The following STXBP5L variants were observed in gnomAD, a reference collection of about 807,000 sequenced individuals.
STXBP5L encodes the protein syntaxin binding protein 5L.
STXBP5L carries 65 observed loss-of-function variants against 144.5 expected under a neutral mutation model. The observed-to-expected ratio is 0.45, with a 90% CI of 0.37 to 0.55. The LOEUF is 0.55. Among genes scored for constraint, STXBP5L ranks in the 20% least tolerant of loss-of-function variants. STXBP5L has a pLI of 0.00. For synonymous variants in STXBP5L, 505 were observed against 469.6 expected (o/e 1.08, Z -0.97); for missense variants, 1,298 against 1,405.5 (o/e 0.92, Z 1.22).
intron 18 of STXBP5L, among the ~76,000 whole-genome samples, chr3:121,263,282 A>C (rs562752510): frequency 6.6e-6 from 1 of 152,362 alleles, no homozygotes; most frequent in South Asian, 2.1e-4. Flanking sequence ...CAACATCAAC[A>C]AAAAGGACAT....
chr3:121,184,235 G>A (rs1405297195), intron 9 of STXBP5L, among the ~76,000 whole-genome samples: 1 of 151,872 alleles, frequency 6.6e-6, no homozygotes, highest in Admixed American at 6.6e-5. Flanking sequence ...GACAGAAGTA[G>A]GCTTCAGAAG....
intron 7 of STXBP5L, among the ~76,000 whole-genome samples, chr3:121,140,963 T>A (rs544768568): frequency 1.3e-5 from 2 of 152,246 alleles, no homozygotes; most frequent in South Asian, 4.1e-4. Flanking sequence ...CATTCCACAA[T>A]GTATATATAT....
chr3:120,950,812 T>A (rs1235331709), intron 2 of STXBP5L, among the ~76,000 whole-genome samples: 2 of 152,076 alleles, frequency 1.3e-5, no homozygotes, highest in Non-Finnish European at 2.9e-5. Flanking sequence ...TACTTTAAAG[T>A]TCATATGGAA....
At chr3:121,093,417 T>C (rs2042934247) in intron 5 of STXBP5L, among the ~76,000 whole-genome samples, 1 of 152,220 alleles carries the variant, frequency 6.6e-6, no homozygotes, top group Non-Finnish European at 1.5e-5. Flanking sequence ...TCTTTTTGGT[T>C]GGTAAGCTAT....
At chr3:121,309,355 C>T (rs920712240) in intron 19 of STXBP5L, among the ~76,000 whole-genome samples, 4 of 151,578 alleles carry the variant, frequency 2.6e-5, no homozygotes, top group Non-Finnish European at 4.4e-5. Flanking sequence ...TGTACTAATA[C>T]CATTTAAAAA....
chr3:121,388,666 A>G (rs1018203212), intron 22 of STXBP5L, among the ~76,000 whole-genome samples: 53 of 152,018 alleles, frequency 3.5e-4, no homozygotes, highest in Admixed American at 2.4e-3. Context: ...GTTTTTTGTC[A>G]TTGGTTCTGT....
chr3:120,979,004 C>G (rs1004475656), intron 3 of STXBP5L, among the ~76,000 whole-genome samples: 7 of 152,144 alleles, frequency 4.6e-5, no homozygotes, highest in Admixed American at 2.0e-4. Flanking sequence ...GGTCAGGGAC[C>G]CACTTGAGGA....
In STXBP5L at chr3:120,929,609, C is replaced by A. The variant is rs1709819234; in HGVS notation, c.189+19842C>A. ...TTTACGAACATCTGTGGGCATTAAACCTTCAGCATATTTAATATTACTTCC... is the reference window on the plus strand; with the variant it reads ...TTTACGAACATCTGTGGGCATTAAAACTTCAGCATATTTAATATTACTTCC... On this transcript the variant is annotated intron_variant, in intron 2 of 26. Transcript: ENST00000471454. 2.6e-5 allele frequency among the ~76,000 whole-genome samples: 4 copies of A among 151,938 alleles called. No individual in the cohort carries two copies. The South Asian group carries it at 6.2e-4, about 24-fold the overall frequency.
intron 2 of STXBP5L, among the ~76,000 whole-genome samples, chr3:120,919,048 G>A (rs1709240815): frequency 6.6e-6 from 1 of 152,104 alleles, no homozygotes; most frequent in African/African-American, 2.4e-5. Flanking sequence ...GTACTATTTT[G>A]TGATGCTACT....
At chr3:121,052,249 G>C (rs1948069222) in intron 5 of STXBP5L, among the ~76,000 whole-genome samples, 1 of 151,908 alleles carries the variant, frequency 6.6e-6, no homozygotes, top group Non-Finnish European at 1.5e-5. Context: ...GCATCATCCT[G>C]GCATCCAGGC....
intron 3 of STXBP5L, among the ~76,000 whole-genome samples, chr3:121,029,665 G>A (rs896161836): frequency 3.9e-5 from 6 of 151,998 alleles, no homozygotes; most frequent in African/African-American, 1.4e-4. Context: ...GGCAACAAAA[G>A]GCAAAATTGA....
At chr3:121,254,297 C>T (rs1577313022) in intron 15 of STXBP5L, among the ~76,000 whole-genome samples, 2 of 151,648 alleles carry the variant, frequency 1.3e-5, no homozygotes, top group South Asian at 4.2e-4. Context: ...TTCACAAACA[C>T]AATGTATGAG....
intron 2 of STXBP5L, among the ~76,000 whole-genome samples, chr3:120,913,687 G>A (rs1007923182): frequency 6.6e-6 from 1 of 151,896 alleles, no homozygotes; most frequent in Non-Finnish European, 1.5e-5. Flanking sequence ...ACAACTTTCA[G>A]TTTTGGTTTA....
chr3:121,069,702 A>AT (rs201585895), intron 5 of STXBP5L, among the ~76,000 whole-genome samples: 5,421 of 150,872 alleles, frequency 0.036, 146 homozygotes, highest in Middle Eastern at 0.082. Context: ...ATTTTCTCTG[A>AT]TTTTTTTTCT....
At chr3:121,351,351 A>T (rs1389839723) in intron 20 of STXBP5L, among the ~76,000 whole-genome samples, 1 of 152,104 alleles carries the variant, frequency 6.6e-6, no homozygotes, top group Non-Finnish European at 1.5e-5. Context: ...CGGCCGTGTC[A>T]GGTGTCAGTC....
At chr3:121,316,387 C>A (rs2043789961) in intron 19 of STXBP5L, among the ~76,000 whole-genome samples, 1 of 152,134 alleles carries the variant, frequency 6.6e-6, no homozygotes, top group Non-Finnish European at 1.5e-5. Flanking sequence ...ATGAGCTTAG[C>A]TCTTTAACCA....
In STXBP5L at chr3:121,306,405, A is replaced by T. The variant is rs553709719; in HGVS notation, c.2111-12070A>T. On this transcript the variant is annotated intron_variant, in intron 19 of 26. Transcript: ENST00000471454. ...CCCAGGCATAGACCTCAGTACCATA[A>T]AATATTGAATCCCTGATTGCCCTTA... is the stretch of plus-strand genomic sequence containing the variant. Among the ~76,000 whole-genome samples, 32 of 152,214 alleles carry T rather than the reference A, an allele frequency of 2.1e-4. No homozygotes were observed. In the South Asian group the frequency reaches 4.4e-3, roughly 21 times the overall value.
intron 3 of STXBP5L, among the ~76,000 whole-genome samples, chr3:121,024,351 G>A (rs1056334812): frequency 1.3e-5 from 2 of 152,140 alleles, no homozygotes; most frequent in East Asian, 1.9e-4. Context: ...ATTAGGATGG[G>A]TCTAGAGTGG....
At position 120,968,466 on chromosome 3, in the gene STXBP5L, C is replaced by A. The variant is rs368615075; in HGVS notation, c.287+13429C>A. On this transcript the variant is annotated intron_variant, in intron 3 of 26. Coordinates refer to ENST00000471454, the MANE Select transcript of STXBP5L (RefSeq NM_001308330.2). ...ATTTGCATGTAATATCTTATTCATC[C>A]CTTCACTTTCAGTTTGTGCATGTCT... Among the ~76,000 whole-genome samples, 5 of 151,906 alleles carry A rather than the reference C, an allele frequency of 3.3e-5. No individual in the cohort carries two copies. In the East Asian group the frequency reaches 9.6e-4, roughly 29 times the overall value.
Sources: gnomAD v4.1 joint callset for allele counts (sites outside exome capture counted in the v4.1 genomes callset) on GRCh38, gnomAD v4.1.1 for gene constraint, MANE v1.5 for transcripts, NCBI Gene and HGNC (gene_info 2026-07-23, HGNC 2026-07-21) for gene names.